Variants in POLA1 observed in about 807,000 individuals in gnomAD.
The protein encoded by POLA1 is DNA polymerase alpha catalytic subunit.
In POLA1, 15 loss-of-function variants were observed where a neutral mutation model predicts 124.0. That is an observed-to-expected ratio of 0.12 (90% CI 0.08 to 0.19). The LOEUF is 0.19. POLA1 is among the 10% of genes least tolerant of loss of function. The pLI, the probability that POLA1 is intolerant of heterozygous loss-of-function variation, is 1.00. For synonymous variants in POLA1, 408 were observed against 389.4 expected, an observed-to-expected ratio of 1.05 and a Z score of -0.56; for missense variants, 886 against 1,103.4, an observed-to-expected ratio of 0.80 and a Z score of 2.79.
chrX:24,798,517 AT>A (rs1304138620), intron 26 of POLA1, among the ~76,000 whole-genome samples: 2 of 110,020 alleles, frequency 1.8e-5, no homozygotes, highest in South Asian at 3.9e-4. Context: ...TCTTAGTAAC[AT>A]TTTTTTCTAT....
chrX:24,699,915 C>T (rs769255887), intron 2 of POLA1, among the ~76,000 whole-genome samples: 5 of 105,428 alleles, frequency 4.7e-5, no homozygotes, highest in Non-Finnish European at 7.8e-5. Context: ...AGTCTAAGTG[C>T]TACTTCTTGG....
intron 34 of POLA1, among the ~76,000 whole-genome samples, chrX:24,879,918 C>A (rs756883797): frequency 9.0e-6 from 1 of 111,610 alleles, no homozygotes; most frequent in Admixed American, 9.5e-5. Flanking sequence ...TAATTGTTGG[C>A]CTTCTGTGCT....
At chrX:24,927,020 T>C (rs1333006433) in intron 35 of POLA1, among the ~76,000 whole-genome samples, 1 of 108,180 alleles carries the variant, frequency 9.2e-6, no homozygotes, top group Non-Finnish European at 1.9e-5. Context: ...TTTTTTTTAG[T>C]AGAGACGGGG....
intron 26 of POLA1, among the ~76,000 whole-genome samples, chrX:24,802,525 T>C (rs1046820011): frequency 5.4e-5 from 6 of 111,886 alleles, no homozygotes; most frequent in Non-Finnish European, 1.1e-4. Context: ...GTACATTTTA[T>C]TATAGAAAGA....
At chrX:24,799,002 T>C (rs773103007) in intron 26 of POLA1, among the ~76,000 whole-genome samples, 1 of 111,794 alleles carries the variant, frequency 8.9e-6, no homozygotes, top group Admixed American at 9.5e-5. Context: ...GATGCCACTT[T>C]GTAAAAAAAT....
At chrX:24,900,317 TTCAC>T (rs1343732648) in intron 35 of POLA1, among the ~76,000 whole-genome samples, 9 of 112,033 alleles carry the variant, frequency 8.0e-5, no homozygotes, top group Non-Finnish European at 1.3e-4. Flanking sequence ...TATATTGTCT[TTCAC>T]TCACCCTGCA....
At chrX:24,731,164 C>T (rs1322679370) in intron 15 of POLA1, among the ~76,000 whole-genome samples, 4 of 111,817 alleles carry the variant, frequency 3.6e-5, no homozygotes, top group African/African-American at 9.8e-5. Flanking sequence ...TGATTTTGAT[C>T]AAGCTTTTAG....
intron 26 of POLA1, among the ~76,000 whole-genome samples, chrX:24,755,176 G>T (rs1932533973): frequency 8.9e-6 from 1 of 112,202 alleles, no homozygotes; most frequent in Admixed American, 9.4e-5. Flanking sequence ...TCATATGTCT[G>T]GCTGGAGCCA....
Position 24,971,783 on chromosome X carries a change from CAT to C in POLA1, c.4262-24018_4262-24017del, listed in dbSNP as rs765230685. On this transcript the variant is annotated intron_variant, in intron 36 of 36. Transcript: ENST00000379068. ...TAATCAAAATTTTCATTTCCATAAACATATAATAGTGTGGCTTAGAGAGTGTA... is the reference window on the plus strand; with the variant it reads ...TAATCAAAATTTTCATTTCCATAAACATAATAGTGTGGCTTAGAGAGTGTA... Among the ~76,000 whole-genome samples, 931 of 111,168 alleles carry C rather than the reference CAT, an allele frequency of 8.4e-3. 4 individuals carry two copies. The highest frequency in any genetic ancestry group is 0.011 in the Non-Finnish European group (607 of 53,054).
At chrX:24,967,963 C>A (rs1038148925) in intron 36 of POLA1, among the ~76,000 whole-genome samples, 1 of 111,686 alleles carries the variant, frequency 9.0e-6, no homozygotes, top group African/African-American at 3.3e-5. Context: ...ACTGCGAGCA[C>A]TAAATACACT....
At chrX:24,762,710 G>A (rs1435075771) in intron 26 of POLA1, among the ~76,000 whole-genome samples, 3 of 110,736 alleles carry the variant, frequency 2.7e-5, no homozygotes, top group Admixed American at 9.5e-5. Flanking sequence ...TGCAGGCCAC[G>A]TTGACCAAGA....
At chrX:24,910,971 T>C (rs965230064) in intron 35 of POLA1, among the ~76,000 whole-genome samples, 8 of 112,110 alleles carry the variant, frequency 7.1e-5, no homozygotes, top group Non-Finnish European at 1.5e-4. Context: ...AGATAGACCA[T>C]ATTCTGGGTC....
At position 24,887,324 on chromosome X, in the gene POLA1, C is replaced by T. The variant is rs140398272; in HGVS notation, c.4048-682C>T. Among the ~76,000 whole-genome samples, 580 of 112,137 alleles carry T rather than the reference C, an allele frequency of 5.2e-3. 2 individuals are homozygous for T. Among genetic ancestry groups the T allele is most frequent in the African/African-American group, 0.017 (529 of 30,886 alleles). On this transcript the variant is annotated intron_variant, in intron 34 of 36. Transcript: ENST00000379068. ...GGGTTCTAAAAGACAGAGAAGTGAGCGATAGCTGTAGTATTTCAAACCTCT... is the reference window on the plus strand; with the variant it reads ...GGGTTCTAAAAGACAGAGAAGTGAGTGATAGCTGTAGTATTTCAAACCTCT...
At chrX:24,958,917 G>A (rs962868046) in intron 36 of POLA1, among the ~76,000 whole-genome samples, 4 of 111,594 alleles carry the variant, frequency 3.6e-5, no homozygotes, top group African/African-American at 1.3e-4. Flanking sequence ...TCGACTGATC[G>A]AGTCCTCTTT....
At chrX:24,786,780 C>T (rs2045373096) in intron 26 of POLA1, among the ~76,000 whole-genome samples, 1 of 104,374 alleles carries the variant, frequency 9.6e-6, no homozygotes, top group East Asian at 3.0e-4. Context: ...CTCAACCTCC[C>T]AGGCTCAGGA....
intron 26 of POLA1, among the ~76,000 whole-genome samples, chrX:24,795,108 G>A (rs2045582668): frequency 9.0e-6 from 1 of 110,610 alleles, no homozygotes; most frequent in Non-Finnish European, 1.9e-5. Context: ...AGCTTTGGAG[G>A]ACCGATTGAC....
chrX:24,887,780 C>A (rs1455017311), intron 34 of POLA1, among the ~76,000 whole-genome samples: 7 of 107,691 alleles, frequency 6.5e-5, no homozygotes, highest in Non-Finnish European at 1.3e-4. Context: ...AAAATAACAT[C>A]TCATGTGATT....
chrX:24,821,976 A>G (rs1033166372), intron 31 of POLA1, among the ~76,000 whole-genome samples: 4 of 111,815 alleles, frequency 3.6e-5, no homozygotes, highest in Non-Finnish European at 7.5e-5. Flanking sequence ...TATGAACTAC[A>G]TGATTATACG....
At chrX:24,825,344 G>A (rs886706693) in intron 31 of POLA1, among the ~76,000 whole-genome samples, 1 of 112,204 alleles carries the variant, frequency 8.9e-6, no homozygotes, top group Non-Finnish European at 1.9e-5. Flanking sequence ...AGCCTAGCCA[G>A]AAAAAGAGGC....
Sources: allele counts gnomAD v4.1 joint callset (sites outside exome capture counted in the v4.1 genomes callset), GRCh38; gene constraint gnomAD v4.1.1; transcripts MANE v1.5; gene names NCBI Gene and HGNC (gene_info 2026-07-23, HGNC 2026-07-21).